Variants in MFN2 observed in about 807,000 individuals in gnomAD.
MFN2 encodes mitofusin 2, also known as mitofusin-2.
Under a neutral mutation model 87.5 loss-of-function variants are expected in MFN2, and 43 were observed. The observed-to-expected ratio is 0.49, with a 90% CI of 0.38 to 0.63. The LOEUF (loss-of-function observed/expected upper bound fraction) is 0.63. Among genes scored for constraint, MFN2 ranks in the 30% least tolerant of loss-of-function variants. The pLI is 0.00. For synonymous variants in MFN2, 337 were observed against 359.9 expected, an observed-to-expected ratio of 0.94 and a Z score of 0.72; for missense variants, 743 against 972.8, an observed-to-expected ratio of 0.76 and a Z score of 3.14.
chr1:11,997,817 C>T (rs896718513), intron 6 of MFN2, among the ~76,000 whole-genome samples: 1 of 148,764 alleles, frequency 6.7e-6, no homozygotes, highest in Non-Finnish European at 1.5e-5. Context: ...CCAACATGTA[C>T]AGTATTGTAG....
Position 12,007,228 on chromosome 1 carries a change from A to G in MFN2, c.2048A>G (p.Asn683Ser), listed in dbSNP as rs762213417. ...CTTGTCATCAGCTACACTGGCTCCA[A>G]CTGCAGCCACCAAGTCCAGCAGTGA... ...LQLVISYTGSNCSHQVQQELS... is the reference protein window; with the variant it reads ...LQLVISYTGSSCSHQVQQELS... Residue 683 changes from asparagine (N) to serine (S), a missense_variant, in exon 17 of 19, where the codon AAC (asparagine) becomes AGC (serine). Asn to Ser is a conservative substitution (Grantham distance 46). Transcript: ENST00000235329. 1.4e-5 allele frequency: 23 copies of G among 1,613,912 alleles called. No individual in the cohort carries two copies. The highest frequency in any genetic ancestry group is 3.3e-5 in the Admixed American group (2 of 60,008).
At position 12,001,856 on chromosome 1, in the gene MFN2, T is replaced by C. The variant is rs1639189310; in HGVS notation, c.1038+20T>C. 6.2e-7 allele frequency: 1 copy of C among 1,613,958 alleles called. No homozygotes were observed. On this transcript the variant is annotated intron_variant, in intron 10 of 18. Coordinates refer to ENST00000235329, the MANE Select transcript of MFN2 (RefSeq NM_014874.4). ...TTTGAGGTGAGTCCTCTGATTCTGGTATCTGGCGATTCTGTGCCTCCCCAG... is the reference window on the plus strand; with the variant it reads ...TTTGAGGTGAGTCCTCTGATTCTGGCATCTGGCGATTCTGTGCCTCCCCAG...
At chr1:11,989,901 G>A (rs1382626914) in intron 3 of MFN2, among the ~76,000 whole-genome samples, 1 of 152,190 alleles carries the variant, frequency 6.6e-6, no homozygotes, top group Admixed American at 6.5e-5. Flanking sequence ...AGCAGAGAAG[G>A]ACTGGTTCCC....
intron 11 of MFN2, 105 bp downstream of exon 11, chr1:12,002,208 C>T: frequency 5.7e-6 from 9 of 1,578,044 alleles, no homozygotes; most frequent in Admixed American, 3.4e-5. Flanking sequence ...GGCTGAGTCT[C>T]TGGGCTCCCA....
At chr1:11,996,511 T>C (rs1271528132) in intron 5 of MFN2, among the ~76,000 whole-genome samples, 193 bp downstream of exon 5, 2 of 152,194 alleles carry the variant, frequency 1.3e-5, no homozygotes, top group Non-Finnish European at 2.9e-5. Context: ...TTCAGAAACG[T>C]GGATCACCAA....
At chr1:11,997,487 T>G in intron 6 of MFN2, 66 bp downstream of exon 6, 1 of 1,607,580 alleles carries the variant, frequency 6.2e-7, no homozygotes, top group Non-Finnish European at 8.5e-7. Context: ...TTCTGGATAA[T>G]CTAGGCCAGG....
intron 11 of MFN2, 137 bp downstream of exon 11, chr1:12,002,240 AC>A: frequency 1.4e-6 from 2 of 1,434,402 alleles, no homozygotes; most frequent in Non-Finnish European, 1.9e-6. Context: ...TTCCCTGGCC[AC>A]CAGACCATGT....
intron 2 of MFN2, 135 bp from the exon 3 acceptor site, chr1:11,989,030 T>C: frequency 1.0e-6 from 1 of 985,162 alleles, no homozygotes; most frequent in South Asian, 1.3e-5. Context: ...TCACCGTCCT[T>C]TGTTCTAGTC....
At chr1:11,998,585 A>G (rs1639033503) in intron 6 of MFN2, among the ~76,000 whole-genome samples, 185 bp from the exon 7 acceptor site, 1 of 152,156 alleles carries the variant, frequency 6.6e-6, no homozygotes, top group South Asian at 2.1e-4. Flanking sequence ...ACTCATTTCC[A>G]GGCAATCTGG....
chr1:11,997,616 C>T (rs1167185018), intron 6 of MFN2, among the ~76,000 whole-genome samples, 195 bp downstream of exon 6: 2 of 152,218 alleles, frequency 1.3e-5, no homozygotes, highest in Middle Eastern at 3.4e-3. Context: ...TTTATCAGTA[C>T]CCTGCAGATG....
At chr1:11,990,246 AAG>A (rs1638618376) in intron 3 of MFN2, among the ~76,000 whole-genome samples, 1 of 152,222 alleles carries the variant, frequency 6.6e-6, no homozygotes, top group South Asian at 2.1e-4. Flanking sequence ...CCTTTGAAGA[AAG>A]AGACTGTCCA....
At chr1:11,981,373 C>T (rs903408389) in intron 1 of MFN2, among the ~76,000 whole-genome samples, 3 of 152,208 alleles carry the variant, frequency 2.0e-5, no homozygotes, top group Admixed American at 2.0e-4. Context: ...CTTGCTGGCA[C>T]ACGCCTGTAA....
intron 4 of MFN2, among the ~76,000 whole-genome samples, chr1:11,995,453 T>G (rs1638869802): frequency 6.6e-6 from 1 of 151,576 alleles, no homozygotes; most frequent in Non-Finnish European, 1.5e-5. Flanking sequence ...GCCAACATGG[T>G]GAAACCCTGT....
In MFN2 at chr1:12,003,166, G is replaced by T. The variant is rs1418196145; in HGVS notation, c.1161-826G>T. On this transcript the variant is annotated intron_variant, in intron 11 of 18. Transcript: ENST00000235329. The surrounding 1 kb of genome is among the most constrained non-coding windows in gnomAD (Gnocchi z 4.1). ...GTGCACCTTTTTAAGAGTCTTCCTG[G>T]GGTGAGTTCCTAGGGGTGTGGCAAT... 6.6e-6 allele frequency among the ~76,000 whole-genome samples: 1 copy of T among 151,716 alleles called. No homozygotes were observed. The highest frequency in any genetic ancestry group is 1.5e-5 in the Non-Finnish European group (1 of 67,898).
At chr1:12,001,688 C>A (rs1366161256) in intron 9 of MFN2, 81 bp from the exon 10 acceptor site, 30 of 1,599,714 alleles carry the variant, frequency 1.9e-5, no homozygotes, top group Non-Finnish European at 2.4e-5. Context: ...GCTCTTTAGC[C>A]AGTGGCTTGG....
At chr1:11,988,379 A>G (rs1371730576) in intron 2 of MFN2, among the ~76,000 whole-genome samples, 1 of 148,862 alleles carries the variant, frequency 6.7e-6, no homozygotes, top group Non-Finnish European at 1.5e-5. Context: ...CTGGGATTAC[A>G]GGCATAACCC....
intron 2 of MFN2, among the ~76,000 whole-genome samples, chr1:11,986,563 CCTT>C (rs1053642811): frequency 4.0e-5 from 6 of 151,766 alleles, no homozygotes; most frequent in East Asian, 1.9e-4. Flanking sequence ...CCTGGGCACT[CCTT>C]CTGGTGTGTA....
At chr1:11,997,536 A>G (rs78727601) in intron 6 of MFN2, 115 bp downstream of exon 6, 3 of 1,427,972 alleles carry the variant, frequency 2.1e-6, no homozygotes, top group African/African-American at 1.4e-5. Flanking sequence ...AAGTATTACT[A>G]CCTTTCAGAT....
chr1:12,011,240 T>C (rs1332583406), intron 18 of MFN2, among the ~76,000 whole-genome samples: 3 of 152,190 alleles, frequency 2.0e-5, no homozygotes, highest in Non-Finnish European at 4.4e-5. Flanking sequence ...CACATGGTCC[T>C]GGGTGAAGGA....
Sources: gnomAD v4.1 joint callset for allele counts (sites outside exome capture counted in the v4.1 genomes callset) on GRCh38, gnomAD v4.1.1 for gene constraint, Gnocchi (gnomAD v3.1) non-coding constraint, MANE v1.5 for transcripts, NCBI Gene and HGNC (gene_info 2026-07-23, HGNC 2026-07-21) for gene names.